The following ITPRID2 variants were observed in gnomAD, a reference collection of about 807,000 sequenced individuals.
ITPRID2 encodes the protein ITPR interacting domain containing 2.
Under a neutral mutation model 124.3 loss-of-function variants are expected in ITPRID2, and 60 were observed. The observed-to-expected ratio is 0.48, with a 90% CI of 0.39 to 0.60. The LOEUF (loss-of-function observed/expected upper bound fraction) is 0.60. ITPRID2 is among the 20% of genes least tolerant of loss of function. ITPRID2 has a pLI of 0.00. For missense variants in ITPRID2, 1,553 were observed against 1,512.2 expected (o/e 1.03, Z -0.45); for synonymous variants, 521 against 542.9 (o/e 0.96, Z 0.56).
At chr2:181,909,800 CTTGAG>C (rs1558996177) in intron 8 of ITPRID2, 94 bp from the exon 9 acceptor site, 5 of 794,942 alleles carry the variant, frequency 6.3e-6, no homozygotes, top group African/African-American at 1.8e-5. Context: ...TTTTGGTGCA[CTTGAG>C]TTAGGTTGAT....
In ITPRID2 at chr2:181,919,121, G is replaced by A. The variant is rs3815877; in HGVS notation, c.2994-175G>A. Among the ~76,000 whole-genome samples, 4,594 of 152,254 alleles carry A rather than the reference G, an allele frequency of 0.03. 104 individuals carry two copies. The highest frequency in any genetic ancestry group is 0.099 in the South Asian group (477 of 4,822). On this transcript the variant is annotated intron_variant, in intron 13 of 17. Transcript: ENST00000431877. This position sits in a 1 kb window ranked among gnomAD's most constrained non-coding sequence, Gnocchi z 4.2. Reference sequence around the variant, plus strand: ...TGTTTGAGATATTTGTGAGAGGATAGGGGAAGAAAGACTAATGTCCTTGTG... The same window carrying A: ...TGTTTGAGATATTTGTGAGAGGATAAGGGAAGAAAGACTAATGTCCTTGTG...
rs755834334 is a variant in ITPRID2 at position 181,899,019 on chromosome 2, A to G, written c.410A>G (p.Asn137Ser). 48 of 1,609,814 alleles carry G rather than the reference A, an allele frequency of 3.0e-5. No individual in the cohort carries two copies. In the East Asian group the frequency reaches 6.0e-4, roughly 20 times the overall value. ...ESDAQIENCNNILAKERRLQF... is the reference protein window; with the variant it reads ...ESDAQIENCNSILAKERRLQF... ...TAATCTGATTTTGTTCGTAGCAATAATATCTTGGCCAAAGAGAGAAGATTA... is the reference window on the plus strand; with the variant it reads ...TAATCTGATTTTGTTCGTAGCAATAGTATCTTGGCCAAAGAGAGAAGATTA... The change falls in exon 6 of 18, where the codon AAT becomes AGT. Residue 137 changes from asparagine to serine, a missense_variant. Asn to Ser is a conservative substitution (Grantham distance 46, BLOSUM62 1). Transcript: ENST00000431877.
chr2:181,918,912 C>CA (rs1179138604), intron 13 of ITPRID2, 30 bp downstream of exon 13: 1 of 1,600,444 alleles, frequency 6.2e-7, no homozygotes, highest in Admixed American at 1.8e-5. Context: ...TAGCACACCT[C>CA]AAAAAGCTTT....
rs553222385 is a variant in ITPRID2 at position 181,905,284 on chromosome 2, C to T, written c.1413+2818C>T. Reference sequence around the variant, plus strand: ...CAGGCTGGTCTCAAACTCCTGACCTCGTGATCTGACCACCTCGGCCTCCCA... The same window carrying T: ...CAGGCTGGTCTCAAACTCCTGACCTTGTGATCTGACCACCTCGGCCTCCCA... On this transcript the variant is annotated intron_variant, in intron 8 of 17. Coordinates refer to ENST00000431877, the MANE Select transcript of ITPRID2 (RefSeq NM_001130445.3). This position sits in a 1 kb window ranked among gnomAD's most constrained non-coding sequence, Gnocchi z 4.1. 2.6e-5 allele frequency among the ~76,000 whole-genome samples: 4 copies of T among 152,094 alleles called. No homozygotes were observed. Among genetic ancestry groups the T allele is most frequent in the South Asian group, 4.1e-4 (2 of 4,820 alleles).
chr2:181,919,524 T>TC lies in ITPRID2; in HGVS notation c.3144+79dup. The stretch of plus-strand genomic sequence containing the variant: ...TTCCAATAATTTAGGACGTGTGCCT[T>TC]CATTTCAAGTCATTTATTTTAATGG... On this transcript the variant is annotated intron_variant, in intron 14 of 17. Coordinates refer to ENST00000431877, the MANE Select transcript of ITPRID2 (RefSeq NM_001130445.3). This position sits in a 1 kb window ranked among gnomAD's most constrained non-coding sequence, Gnocchi z 4.2. 7.1e-7 allele frequency: 1 copy of TC among 1,405,780 alleles called. No individual in the cohort carries two copies. Among genetic ancestry groups the TC allele is most frequent in the Non-Finnish European group, 9.4e-7 (1 of 1,065,280 alleles). 87.1% of individuals were successfully genotyped at this position (1,405,780 alleles called of 1,614,324 possible).
rs111549005 is a variant in ITPRID2 at position 181,916,311 on chromosome 2, C to T, written c.2671C>T (p.His891Tyr). 6.2e-6 allele frequency: 10 copies of T among 1,614,242 alleles called. No homozygotes were observed. The highest frequency in any genetic ancestry group is 1.3e-5 in the African/African-American group (1 of 75,062). The change falls in exon 11 of 18, where the codon CAT (histidine) becomes TAT (tyrosine). Residue 891 changes from histidine to tyrosine, a missense_variant. By Grantham distance (83) the His-to-Tyr change is moderately conservative (BLOSUM62 2). Coordinates refer to ENST00000431877, the MANE Select transcript of ITPRID2 (RefSeq NM_001130445.3). ...FASPFGCPYS[H>Y]RHATYPYRVC... ...TTCCCCTTTCGGGTGTCCTTACTCA[C>T]ATAGACATGCCACCTACCCTTACCG...
rs751754360 is a variant in ITPRID2 at position 181,902,031 on chromosome 2, T to G, written c.978T>G (p.Ile326Met). The change falls in exon 8 of 18, where the codon ATT becomes ATG. Residue 326 changes from isoleucine to methionine, a missense_variant. By Grantham distance (10) the Ile-to-Met change is conservative. Transcript: ENST00000431877. This position sits in a 1 kb window ranked among gnomAD's most constrained non-coding sequence, Gnocchi z 4.4. Reference protein sequence around the residue: ...SPSPSAEKGKILNVSVIEESG... With the variant: ...SPSPSAEKGKMLNVSVIEESG... ...CTCCATCAGCTGAAAAAGGAAAGAT[T>G]CTAAATGTTTCAGTGATTGAAGAAA... 6.2e-7 allele frequency: 1 copy of G among 1,613,446 alleles called. No individual in the cohort carries two copies. Among genetic ancestry groups the G allele is most frequent in the Non-Finnish European group, 8.5e-7 (1 of 1,179,796 alleles).
In ITPRID2 at chr2:181,902,268, A is replaced by C. The variant is rs1239728300; in HGVS notation, c.1215A>C (p.Lys405Asn). 6.2e-7 allele frequency: 1 copy of C among 1,613,542 alleles called. No homozygotes were observed. Among genetic ancestry groups the C allele is most frequent in the African/African-American group, 1.3e-5 (1 of 74,900 alleles). The change falls in exon 8 of 18, where the codon AAA becomes AAC. Residue 405 changes from lysine to asparagine, a missense_variant. Physicochemically the swap from Lys to Asn is moderately conservative, Grantham distance 94 (BLOSUM62 0). Coordinates refer to ENST00000431877, the MANE Select transcript of ITPRID2 (RefSeq NM_001130445.3). The surrounding 1 kb of genome is among the most constrained non-coding windows in gnomAD (Gnocchi z 4.4). The part of the protein sequence containing the change: ...QSKETQSHES[K>N]LGEESGIVES... ...AAGAAACTCAAAGTCATGAGAGTAA[A>C]CTGGGTGAGGAATCTGGTATTGTAG...
intron 11 of ITPRID2, chr2:181,917,358 C>T (rs555147501): frequency 6.6e-6 from 1 of 152,302 alleles, no homozygotes; most frequent in South Asian, 2.1e-4. Context: ...AGATATACCT[C>T]CTCTTAACTG....
At position 181,917,520 on chromosome 2, in the gene ITPRID2, C is replaced by T. The variant is rs372365124; in HGVS notation, c.2788-1078C>T. ...AGCTGGGGATTTCCAGGACCCTGTC[C>T]ACCAGTACCGTGGTGCATCTTTCTA... On this transcript the variant is annotated intron_variant, in intron 11 of 17. Coordinates refer to ENST00000431877, the MANE Select transcript of ITPRID2 (RefSeq NM_001130445.3). 5.3e-5 allele frequency: 8 copies of T among 152,326 alleles called. No homozygotes were observed. The South Asian group carries it at 1.2e-3, about 24-fold the overall frequency. 9.4% of individuals were successfully genotyped at this position (152,326 alleles called of 1,614,324 possible).
chr2:181,900,753 T>A lies in ITPRID2; in HGVS notation c.561T>A (p.Leu187=). 6.2e-7 allele frequency: 1 copy of A among 1,613,080 alleles called. No individual in the cohort carries two copies. Among genetic ancestry groups the A allele is most frequent in the Non-Finnish European group, 8.5e-7 (1 of 1,179,596 alleles). The change falls in exon 7 of 18, where the codon CTT becomes CTA. Residue 187 remains leucine, a synonymous_variant. Coordinates refer to ENST00000431877, the MANE Select transcript of ITPRID2 (RefSeq NM_001130445.3). ...EEDPEEILYN[L]GFGRDEPDIA... ...ATCCTGAAGAAATTCTTTATAATCT[T>A]GGATTTGGACGTGATGAACCAGATA...
chr2:181,907,613 A>G lies in ITPRID2; in HGVS notation c.1414-2286A>G, dbSNP rs1313149185. 1.3e-5 allele frequency among the ~76,000 whole-genome samples: 2 copies of G among 152,148 alleles called. No homozygotes were observed. The highest frequency in any genetic ancestry group is 4.8e-5 in the African/African-American group (2 of 41,438). ...AAGGCTGCTTATAGCAAATGACCAG[A>G]ATTCTACGGAGCATTTGAAACCACT... On this transcript the variant is annotated intron_variant, in intron 8 of 17. Coordinates refer to ENST00000431877, the MANE Select transcript of ITPRID2 (RefSeq NM_001130445.3). The surrounding 1 kb of genome is among the most constrained non-coding windows in gnomAD (Gnocchi z 5.1).
intron 6 of ITPRID2, among the ~76,000 whole-genome samples, chr2:181,899,723 A>G (rs1015496918): frequency 7.9e-5 from 12 of 152,194 alleles, no homozygotes; most frequent in Admixed American, 7.2e-4. Context: ...ATCCACCTGT[A>G]GTCACAACCA....
Position 181,916,174 on chromosome 2 carries a change from C to A in ITPRID2, c.2534C>A (p.Ser845Tyr). The change falls in exon 11 of 18, where the codon TCC becomes TAC. Residue 845 changes from serine (S) to tyrosine (Y), a missense_variant. Coordinates refer to ENST00000431877, the MANE Select transcript of ITPRID2 (RefSeq NM_001130445.3). The stretch of plus-strand genomic sequence containing the variant: ...CCACCAATGTCTCAGTCTACCTGTT[C>A]CCTTCATTCCATCCACTCTGAGTGG... The part of the protein sequence containing the change: ...APPPMSQSTC[S>Y]LHSIHSEWQE... 1.9e-6 allele frequency: 3 copies of A among 1,614,204 alleles called. No homozygotes were observed. The highest frequency in any genetic ancestry group is 2.5e-6 in the Non-Finnish European group (3 of 1,180,032).
chr2:181,918,789 G>T lies in ITPRID2; in HGVS notation c.2900G>T (p.Ser967Ile), dbSNP rs779587103. 1 of 1,614,044 alleles carries T rather than the reference G, an allele frequency of 6.2e-7. No individual in the cohort carries two copies. The highest frequency in any genetic ancestry group is 8.5e-7 in the Non-Finnish European group (1 of 1,180,022). ...TFQELQVMRRSLNLFRTQMMD... is the reference protein window; with the variant it reads ...TFQELQVMRRILNLFRTQMMD... ...CAGGAGCTCCAGGTAATGAGGCGGA[G>T]CCTGAATTTGTTTAGAACACAAATG... The change falls in exon 13 of 18, where the codon AGC becomes ATC. Residue 967 changes from serine (S) to isoleucine (I), a missense_variant. Physicochemically the swap from Ser to Ile is moderately radical, Grantham distance 142. Transcript: ENST00000431877.
rs1694538114 is a variant in ITPRID2 at position 181,922,295 on chromosome 2, A to T, written c.3558A>T (p.Glu1186Asp). Residue 1186 changes from glutamate (E) to aspartate (D), a missense_variant, in exon 16 of 18, where the codon GAA (glutamate) becomes GAT (aspartate). By Grantham distance (45) the Glu-to-Asp change is conservative (BLOSUM62 2). Transcript: ENST00000431877. ...TTGATGCAGCTGAAGGAGCCCCAGA[A>T]GTTGTAGGACCTAAATCTGAAGTGG... The part of the protein sequence containing the change: ...EEVDAAEGAP[E>D]VVGPKSEVEE... 9 of 1,614,210 alleles carry T rather than the reference A, an allele frequency of 5.6e-6. No homozygotes were observed. Among genetic ancestry groups the T allele is most frequent in the Non-Finnish European group, 7.6e-6 (9 of 1,180,040 alleles).
intron 7 of ITPRID2, 142 bp from the exon 8 acceptor site, chr2:181,901,624 G>A: frequency 1.8e-6 from 1 of 558,374 alleles, no homozygotes; most frequent in Admixed American, 4.0e-5. Context: ...AGGTTTAAGT[G>A]TTAGATGAGG....
chr2:181,916,155 A>C lies in ITPRID2; in HGVS notation c.2515A>C (p.Met839Leu), dbSNP rs148871198. ...PTCSRLAPPP[M>L]SQSTCSLHSI... ...CTGTTCACGGCTTGCTCCACCACCA[A>C]TGTCTCAGTCTACCTGTTCCCTTCA... Residue 839 changes from methionine (M) to leucine (L), a missense_variant, in exon 11 of 18, where the codon ATG becomes CTG. Met to Leu is a conservative substitution (Grantham distance 15). Transcript: ENST00000431877. 5 of 1,614,088 alleles carry C rather than the reference A, an allele frequency of 3.1e-6. No homozygotes were observed. The highest frequency in any genetic ancestry group is 3.4e-6 in the Non-Finnish European group (4 of 1,180,056).
chr2:181,910,463 T>C lies in ITPRID2; in HGVS notation c.1486+492T>C, dbSNP rs1304259709. 7.0e-6 allele frequency: 4 copies of C among 572,818 alleles called. No individual in the cohort carries two copies. Among genetic ancestry groups the C allele is most frequent in the Non-Finnish European group, 3.1e-6 (1 of 320,300 alleles). 35.5% of individuals were successfully genotyped at this position (572,818 alleles called of 1,614,324 possible). ...GTCGAAGGTGAGTGGTTGTAGATAC[T>C]GTTCCTCTCTTAAATTATTAATTAT... On this transcript the variant is annotated intron_variant, in intron 9 of 17. Coordinates refer to ENST00000431877, the MANE Select transcript of ITPRID2 (RefSeq NM_001130445.3). The surrounding 1 kb of genome is among the most constrained non-coding windows in gnomAD (Gnocchi z 4.1).
Sources: gnomAD v4.1 joint callset for allele counts (sites outside exome capture counted in the v4.1 genomes callset) on GRCh38, gnomAD v4.1.1 for gene constraint, Gnocchi (gnomAD v3.1) non-coding constraint, MANE v1.5 for transcripts, NCBI Gene and HGNC (gene_info 2026-07-23, HGNC 2026-07-21) for gene names.